The following ZFAT variants were observed in gnomAD, a reference collection of about 807,000 sequenced individuals.
ZFAT encodes zinc finger and AT-hook domain containing, also known as zinc finger protein ZFAT.
In ZFAT, 64 loss-of-function variants were observed where a neutral mutation model predicts 117.7. That is an observed-to-expected ratio of 0.54 (90% CI 0.44 to 0.67). The LOEUF is 0.67. ZFAT is among the 30% of genes least tolerant of loss of function. The pLI is 0.00. For missense variants in ZFAT, 1,433 were observed against 1,584.5 expected, an observed-to-expected ratio of 0.90 and a Z score of 1.62; for synonymous variants, 679 against 615.0, an observed-to-expected ratio of 1.10 and a Z score of -1.54.
the ZFAT span, among the ~76,000 whole-genome samples, chr8:134,802,974 C>A: frequency 2.0e-5 from 3 of 152,128 alleles, no homozygotes; most frequent in Admixed American, 2.0e-4. Flanking sequence ...AAGGCTGTAC[C>A]TATGTATTAT....
the ZFAT span, among the ~76,000 whole-genome samples, chr8:134,816,683 G>T: frequency 8.5e-5 from 13 of 152,062 alleles, no homozygotes; most frequent in African/African-American, 3.1e-4. Flanking sequence ...CAGAAACTGA[G>T]CTTAAAAATG....
At chr8:134,531,727 AGATG>A (rs1475780796) in intron 12 of ZFAT, among the ~76,000 whole-genome samples, 1 of 152,252 alleles carries the variant, frequency 6.6e-6, no homozygotes, top group Non-Finnish European at 1.5e-5. Context: ...CCGTTACCCC[AGATG>A]GATGGCTTTA....
chr8:134,744,747 T>TG, the ZFAT span, among the ~76,000 whole-genome samples: 1 of 148,378 alleles, frequency 6.7e-6, no homozygotes, highest in African/African-American at 2.5e-5. Context: ...TTTTTTTTTT[T>TG]GAGACGGAGG....
At chr8:134,690,990 T>C (rs1833556613) in intron 1 of ZFAT, among the ~76,000 whole-genome samples, 1 of 152,222 alleles carries the variant, frequency 6.6e-6, no homozygotes, top group South Asian at 2.1e-4. Flanking sequence ...TTTACATGAC[T>C]GTGGTGTTAT....
rs1817084135 is a variant in ZFAT, at chr8:134,478,848, CT to C, written c.3493-128del. Reference sequence around the variant, plus strand: ...GGAGCACGTCCATTCTCCACGGATCCTCTCTACCAGGCTGTGCTTGCTCTCA... The same window carrying C: ...GGAGCACGTCCATTCTCCACGGATCCCTCTACCAGGCTGTGCTTGCTCTCA... On this transcript the variant is annotated intron_variant, in intron 15 of 15. Coordinates refer to ENST00000377838, the MANE Select transcript of ZFAT (RefSeq NM_020863.4). This position sits in a 1 kb window ranked among gnomAD's most constrained non-coding sequence, Gnocchi z 5.2. The C allele has an allele frequency of 3.6e-6, 5 of 1,372,346 alleles. No individual in the cohort carries two copies. In the East Asian group the frequency reaches 1.3e-4, roughly 35 times the overall value. The allele number at this position is 1,372,346 out of a possible 1,614,324, so 85.0% of individuals were successfully genotyped here. A position where few individuals can be genotyped will look rare whatever the true frequency, so the allele number is the denominator to read the frequency against.
At chr8:134,661,308 G>C (rs796431181) in intron 1 of ZFAT, among the ~76,000 whole-genome samples, 9 of 152,348 alleles carry the variant, frequency 5.9e-5, no homozygotes, top group African/African-American at 1.4e-4. Context: ...CACAGGGACA[G>C]AGATCCCCAG....
chr8:134,480,358 C>T (rs570592139), intron 15 of ZFAT, among the ~76,000 whole-genome samples: 2 of 152,326 alleles, frequency 1.3e-5, no homozygotes, highest in African/African-American at 2.4e-5. Context: ...GTCATCTTAC[C>T]AGCTACCAGT....
chr8:134,772,041 TC>T, the ZFAT span, among the ~76,000 whole-genome samples: 1 of 152,040 alleles, frequency 6.6e-6, no homozygotes, highest in South Asian at 2.1e-4. Context: ...TCCCATCAGG[TC>T]CCTCCCACAA....
chr8:134,490,542 T>C (rs909498605), intron 15 of ZFAT, among the ~76,000 whole-genome samples: 3 of 152,162 alleles, frequency 2.0e-5, no homozygotes, highest in African/African-American at 7.2e-5. Flanking sequence ...CACAAGGAGC[T>C]GTCACATGAG....
chr8:134,588,266 C>A lies in ZFAT; in HGVS notation c.2693G>T (p.Arg898Leu). 6.4e-7 allele frequency: 1 copy of A among 1,569,604 alleles called. No individual in the cohort carries two copies. Among genetic ancestry groups the A allele is most frequent in the Non-Finnish European group, 8.7e-7 (1 of 1,155,912 alleles). The change falls in exon 9 of 16, where the codon CGT (arginine) becomes CTT (leucine). Residue 898 changes from arginine to leucine, a missense_variant. This residue lies in a region of ZFAT where 503 missense variants were observed against 543.4 expected (regional missense o/e 0.93). Transcript: ENST00000377838. Reference protein sequence around the residue: ...YFMKNGSDLQRHIWAHEGVKP... With the variant: ...YFMKNGSDLQLHIWAHEGVKP... ...CTCACCTTCATGAGCCCAAATATGACGCTGAAGGTCTGAGCCATTCTTCAT... is the reference window on the plus strand; with the variant it reads ...CTCACCTTCATGAGCCCAAATATGAAGCTGAAGGTCTGAGCCATTCTTCAT...
upstream of ZFAT, among the ~76,000 whole-genome samples, chr8:134,716,633 C>T (rs1198772175): frequency 1.3e-5 from 2 of 152,142 alleles, no homozygotes; most frequent in Admixed American, 6.5e-5. Flanking sequence ...TCCAAAAATG[C>T]TGGGTTAGTG....
At chr8:134,589,455 T>G (rs1432272681) in intron 8 of ZFAT, among the ~76,000 whole-genome samples, 1 of 152,196 alleles carries the variant, frequency 6.6e-6, no homozygotes, top group African/African-American at 2.4e-5. Flanking sequence ...AAGAGACATG[T>G]ACGAAGGGAG....
At chr8:134,801,136 T>C in the ZFAT span, among the ~76,000 whole-genome samples, 2 of 152,126 alleles carry the variant, frequency 1.3e-5, no homozygotes, top group African/African-American at 2.4e-5. Flanking sequence ...AATGAAACAC[T>C]GTGAGGAGCT....
At chr8:134,644,917 A>G (rs1830794141) in intron 2 of ZFAT, among the ~76,000 whole-genome samples, 2 of 152,156 alleles carry the variant, frequency 1.3e-5, no homozygotes, top group Admixed American at 1.3e-4. Flanking sequence ...ACATGCACAC[A>G]CACAAACACA....
intron 7 of ZFAT, among the ~76,000 whole-genome samples, chr8:134,596,362 C>T (rs1826931558): frequency 6.6e-6 from 1 of 152,214 alleles, no homozygotes; most frequent in Non-Finnish European, 1.5e-5. Flanking sequence ...ACTTCAAATT[C>T]CCAGTTTTAT....
the ZFAT span, among the ~76,000 whole-genome samples, chr8:134,762,927 T>C: frequency 3.9e-5 from 6 of 152,156 alleles, no homozygotes; most frequent in Non-Finnish European, 7.4e-5. Flanking sequence ...CAGGTCAACA[T>C]AGATCCTGAA....
chr8:134,647,717 T>C (rs1168104778), intron 2 of ZFAT, among the ~76,000 whole-genome samples: 1 of 152,182 alleles, frequency 6.6e-6, no homozygotes, highest in African/African-American at 2.4e-5. Context: ...CTGTTGTGTT[T>C]CTACACAAAA....
At chr8:134,826,615 T>C in the ZFAT span, among the ~76,000 whole-genome samples, 15 of 152,186 alleles carry the variant, frequency 9.9e-5, no homozygotes, top group South Asian at 2.1e-4. Flanking sequence ...CCTTACTACA[T>C]TGATTTTAAC....
intron 5 of ZFAT, among the ~76,000 whole-genome samples, chr8:134,604,366 G>A (rs1041839467): frequency 9.2e-5 from 14 of 152,176 alleles, no homozygotes; most frequent in Non-Finnish European, 1.6e-4. Flanking sequence ...GACACGCAGC[G>A]ACCCTGCCCC....
Sources: allele counts gnomAD v4.1 joint callset (sites outside exome capture counted in the v4.1 genomes callset), GRCh38; gene constraint gnomAD v4.1.1; regional missense constraint gnomAD v4.1.1; non-coding constraint Gnocchi (gnomAD v3.1); transcripts MANE v1.5; gene names NCBI Gene and HGNC (gene_info 2026-07-23, HGNC 2026-07-21).